The following RARS1 variants were observed in gnomAD, a reference collection of about 807,000 sequenced individuals.
RARS1 encodes arginyl-tRNA synthetase 1.
Under a neutral mutation model 78.7 loss-of-function variants are expected in RARS1, and 75 were observed. The observed-to-expected ratio is 0.95, with a 90% CI of 0.79 to 1.15. The LOEUF is 1.15. Ranked by LOEUF, RARS1 falls within the 50% of genes most tolerant of loss-of-function variation. RARS1 has a pLI of 0.00. For synonymous variants in RARS1, 273 were observed against 268.2 expected (o/e 1.02, Z -0.18); for missense variants, 787 against 787.5 (o/e 1.00, Z 0.01).
At chr5:168,500,558 A>C in intron 7 of RARS1, 33 bp from the exon 8 acceptor site, 1 of 1,415,650 alleles carries the variant, frequency 7.1e-7, no homozygotes, top group Non-Finnish European at 9.2e-7. Context: ...ATCTTTTTAC[A>C]CACCTTACTT....
In RARS1 at chr5:168,486,498, G is replaced by C; in HGVS notation, c.-1G>C. 6.4e-7 allele frequency: 1 copy of C among 1,558,536 alleles called. No homozygotes were observed. ...TTGGCGAGTGAGACGCTGATGGGAG[G>C]ATGGACGTACTGGTGTCTGAGTGCT... is the stretch of plus-strand genomic sequence containing the variant. On this transcript the variant is annotated 5_prime_UTR_variant, in exon 1 of 15. Transcript: ENST00000231572.
intron 11 of RARS1, among the ~76,000 whole-genome samples, chr5:168,509,712 G>A (rs1758529984): frequency 6.7e-6 from 1 of 148,534 alleles, no homozygotes; most frequent in African/African-American, 2.5e-5. Context: ...TCTCCAGCCT[G>A]TAATTCCAAC....
intron 10 of RARS1, 67 bp downstream of exon 10, chr5:168,506,266 G>A: frequency 3.1e-6 from 4 of 1,282,180 alleles, no homozygotes; most frequent in Non-Finnish European, 4.2e-6. Flanking sequence ...GGTGAGGTTG[G>A]TGACATCTGA....
intron 8 of RARS1, 131 bp downstream of exon 8, chr5:168,500,851 G>C (rs1164645922): frequency 6.9e-6 from 8 of 1,154,584 alleles, no homozygotes; most frequent in South Asian, 5.5e-5. Flanking sequence ...TTTCTTAAAT[G>C]TATTTCTGAA....
rs955231523 is a variant in RARS1 at position 168,506,061 on chromosome 5, C to T, written c.1098C>T (p.Val366=). The change falls in exon 10 of 15, where the codon GTC becomes GTT. Residue 366 remains valine, a synonymous_variant. Transcript: ENST00000231572. ...QVDDGRKIVF[V]PGCSIPLTIV... is the part of the protein sequence containing the mutation. Reference sequence around the variant, plus strand: ...ATGATGGCAGAAAGATTGTATTTGTCCCAGGGTGTTCCATACCATTAACCA... The same window carrying T: ...ATGATGGCAGAAAGATTGTATTTGTTCCAGGGTGTTCCATACCATTAACCA... The T allele has an allele frequency of 3.1e-6, 5 of 1,606,472 alleles. No homozygotes were observed. Among genetic ancestry groups the T allele is most frequent in the African/African-American group, 1.3e-5 (1 of 74,496 alleles).
At chr5:168,507,893 A>AG (rs1758481356) in intron 11 of RARS1, among the ~76,000 whole-genome samples, 1 of 151,970 alleles carries the variant, frequency 6.6e-6, no homozygotes, top group Non-Finnish European at 1.5e-5. Flanking sequence ...AAAAAAAAAA[A>AG]ACTTAGCCAG....
chr5:168,496,068 C>G (rs572390814), intron 6 of RARS1, among the ~76,000 whole-genome samples: 145 of 152,004 alleles, frequency 9.5e-4, no homozygotes, highest in African/African-American at 3.4e-3. Context: ...AGAAGCTAGA[C>G]AAAGAAGGGA....
Position 168,501,655 on chromosome 5 carries a change from G to A in RARS1, c.953-346G>A, listed in dbSNP as rs578130844. On this transcript the variant is annotated intron_variant, in intron 8 of 14. Coordinates refer to ENST00000231572, the MANE Select transcript of RARS1 (RefSeq NM_002887.4). ...GGAGAATCGCTTGAACCCGGGAGGCGGAGGTTGCAGTGAGCTGAGATCACG... is the reference window on the plus strand; with the variant it reads ...GGAGAATCGCTTGAACCCGGGAGGCAGAGGTTGCAGTGAGCTGAGATCACG... Among the ~76,000 whole-genome samples, 6 of 152,186 alleles carry A rather than the reference G, an allele frequency of 3.9e-5. No homozygotes were observed. The East Asian group carries it at 5.8e-4, about 15-fold the overall frequency.
chr5:168,502,380 ATATAT>A (rs1393088215), intron 9 of RARS1, among the ~76,000 whole-genome samples: 2 of 98,100 alleles, frequency 2.0e-5, no homozygotes, highest in African/African-American at 9.2e-5. Context: ...ATATATATAT[ATATAT>A]TTTTTTTTTT....
intron 9 of RARS1, among the ~76,000 whole-genome samples, chr5:168,503,765 T>C (rs961460302): frequency 3.7e-4 from 56 of 152,110 alleles, no homozygotes; most frequent in Non-Finnish European, 8.8e-5. Context: ...CTAGGGACCA[T>C]ACTTTTTAAG....
intron 9 of RARS1, among the ~76,000 whole-genome samples, chr5:168,504,307 C>T (rs1366977648): frequency 6.6e-6 from 1 of 151,860 alleles, no homozygotes; most frequent in Non-Finnish European, 1.5e-5. Context: ...GAGCGAATCA[C>T]GAGGACAGGA....
intron 4 of RARS1, 132 bp from the exon 5 acceptor site, chr5:168,494,418 C>T (rs1758141341): frequency 8.8e-6 from 13 of 1,477,584 alleles, no homozygotes; most frequent in Non-Finnish European, 1.1e-5. Context: ...CAGCTTAAGT[C>T]AAGGCCACAA....
In RARS1 at chr5:168,506,167, G is replaced by C. The variant is rs1259726036; in HGVS notation, c.1204G>C (p.Asp402His). ...IKQRLFEEKADMIIYVVDNGQ... is the reference protein window; with the variant it reads ...IKQRLFEEKAHMIIYVVDNGQ... ...ACAAAGACTATTTGAGGAAAAAGCA[G>C]ATATGATTATCTATGTTGTGGACAA... Residue 402 changes from aspartate to histidine, a missense_variant, in exon 10 of 15, where the codon GAT becomes CAT. Physicochemically the swap from Asp to His is moderately conservative, Grantham distance 81. Transcript: ENST00000231572. 6.3e-7 allele frequency: 1 copy of C among 1,580,794 alleles called. No individual in the cohort carries two copies. The highest frequency in any genetic ancestry group is 8.6e-7 in the Non-Finnish European group (1 of 1,164,220).
intron 4 of RARS1, 82 bp downstream of exon 4, chr5:168,494,084 T>C: frequency 7.3e-7 from 1 of 1,376,344 alleles, no homozygotes; most frequent in Non-Finnish European, 1.0e-6. Flanking sequence ...ACATTTTAAT[T>C]ACAGGGTTAA....
rs9647572 is a variant in RARS1 at position 168,493,621 on chromosome 5, G to A, written c.370-273G>A. Among the ~76,000 whole-genome samples, 17,458 of 132,406 alleles carry A rather than the reference G, an allele frequency of 0.13. 1,509 individuals carry two copies. Among genetic ancestry groups the A allele is most frequent in the Non-Finnish European group, 0.19 (12,427 of 65,146 alleles). 86.9% of individuals were successfully genotyped at this position (132,406 alleles called of 152,430 possible). A position where few individuals can be genotyped will look rare whatever the true frequency, so the allele number is the denominator to read the frequency against. ...TGCACTCCAGCCTGGGCAACAGAGC[G>A]AGACTCCATCTCAAAAAAAAAAAAA... is the stretch of plus-strand genomic sequence containing the variant. On this transcript the variant is annotated intron_variant, in intron 3 of 14. Transcript: ENST00000231572.
At chr5:168,494,389 G>A (rs1294056468) in intron 4 of RARS1, 161 bp from the exon 5 acceptor site, 2 of 985,308 alleles carry the variant, frequency 2.0e-6, no homozygotes, top group African/African-American at 3.5e-5. Flanking sequence ...AGTAGACGGT[G>A]AGACAGGAGC....
intron 7 of RARS1, 75 bp from the exon 8 acceptor site, chr5:168,500,516 T>G: frequency 7.6e-7 from 1 of 1,310,476 alleles, no homozygotes; most frequent in Non-Finnish European, 9.8e-7. Context: ...TGTAGAAATG[T>G]GTAAGTTCTT....
intron 11 of RARS1, among the ~76,000 whole-genome samples, chr5:168,508,789 A>T (rs1033616225): frequency 6.6e-6 from 1 of 151,638 alleles, no homozygotes; most frequent in Admixed American, 6.6e-5. Context: ...TTCCTTGTAC[A>T]TCTGTTTATT....
chr5:168,513,796 A>AT (rs1404326540), intron 12 of RARS1, among the ~76,000 whole-genome samples: 1 of 151,954 alleles, frequency 6.6e-6, no homozygotes, highest in Non-Finnish European at 1.5e-5. Flanking sequence ...ACCTGGGATT[A>AT]TTTTTCCACA....
Sources: gnomAD v4.1 joint callset for allele counts (sites outside exome capture counted in the v4.1 genomes callset) on GRCh38, gnomAD v4.1.1 for gene constraint, MANE v1.5 for transcripts, NCBI Gene and HGNC (gene_info 2026-07-23, HGNC 2026-07-21) for gene names.